Variants in GPC5 observed in about 807,000 individuals in gnomAD.
The protein encoded by GPC5 is glypican-5.
GPC5 carries 47 observed loss-of-function variants against 53.9 expected under a neutral mutation model. The observed-to-expected ratio is 0.87, with a 90% CI of 0.69 to 1.11. GPC5 has a LOEUF of 1.11. Among genes scored for constraint, GPC5 ranks in the 50% most tolerant of loss-of-function variants. GPC5 has a pLI of 0.00. For missense variants in GPC5, 748 were observed against 713.1 expected, an observed-to-expected ratio of 1.05 and a Z score of -0.56; for synonymous variants, 286 against 263.3, an observed-to-expected ratio of 1.09 and a Z score of -0.84.
At chr13:91,767,729 C>A (rs186727233) in intron 5 of GPC5, among the ~76,000 whole-genome samples, 276 of 152,242 alleles carry the variant, frequency 1.8e-3, no homozygotes, top group Middle Eastern at 0.01. Context: ...ACTTGTTACA[C>A]GCGTCCAGAG....
At chr13:92,812,703 A>G (rs1877338647) in intron 7 of GPC5, among the ~76,000 whole-genome samples, 1 of 151,918 alleles carries the variant, frequency 6.6e-6, no homozygotes, top group Non-Finnish European at 1.5e-5. Flanking sequence ...CTATGCATAG[A>G]AAGTCCTAAA....
intron 7 of GPC5, among the ~76,000 whole-genome samples, chr13:92,796,355 C>T (rs1050813143): frequency 7.9e-5 from 12 of 151,864 alleles, no homozygotes; most frequent in Non-Finnish European, 1.0e-4. Context: ...CACACCGGGG[C>T]CTTTCAGGGG....
In GPC5 at chr13:92,722,838, C is replaced by T. The variant is rs953773964; in HGVS notation, c.1562-143444C>T. On this transcript the variant is annotated intron_variant, in intron 7 of 7. Coordinates refer to ENST00000377067, the MANE Select transcript of GPC5 (RefSeq NM_004466.6). ...TTTATATACAAAAAAATGATAAAAT[C>T]ATAAACTAAATTTTAGATTACTTGC... Among the ~76,000 whole-genome samples the T allele has an allele frequency of 2.6e-5, 4 of 151,710 alleles. No homozygotes were observed. The South Asian group carries it at 8.3e-4, about 31-fold the overall frequency.
intron 2 of GPC5, among the ~76,000 whole-genome samples, chr13:91,621,242 AGAGAAGTCACC>A (rs2033846828): frequency 6.6e-6 from 1 of 152,168 alleles, no homozygotes. Context: ...TCTTTAAAAA[AGAGAAGTCACC>A]GACTATTAAA....
chr13:92,555,233 G>C (rs1845791819), intron 7 of GPC5, among the ~76,000 whole-genome samples: 2 of 151,156 alleles, frequency 1.3e-5, no homozygotes, highest in South Asian at 4.2e-4. Flanking sequence ...GTAAATACTA[G>C]ATAATACTAC....
intron 5 of GPC5, among the ~76,000 whole-genome samples, chr13:91,830,745 A>AAT (rs1438319999): frequency 1.4e-5 from 2 of 144,050 alleles, no homozygotes; most frequent in African/African-American, 2.5e-5. Context: ...TATGTATATA[A>AAT]ATATACACAT....
chr13:91,424,328 T>C (rs1304318199), intron 1 of GPC5, among the ~76,000 whole-genome samples: 1 of 149,242 alleles, frequency 6.7e-6, no homozygotes, highest in African/African-American at 2.5e-5. Context: ...TGGGGCGGGG[T>C]TGGTGGTCGA....
intron 2 of GPC5, among the ~76,000 whole-genome samples, chr13:91,677,534 T>C (rs1233471946): frequency 1.3e-5 from 2 of 152,150 alleles, no homozygotes; most frequent in African/African-American, 4.8e-5. Flanking sequence ...CCAGAGCTGG[T>C]TATGGGGGCA....
At chr13:92,775,296 G>A (rs1566413027) in intron 7 of GPC5, among the ~76,000 whole-genome samples, 1 of 152,120 alleles carries the variant, frequency 6.6e-6, no homozygotes, top group Non-Finnish European at 1.5e-5. Flanking sequence ...TAACAAAGAG[G>A]TAAATGGATT....
intron 7 of GPC5, among the ~76,000 whole-genome samples, chr13:92,569,308 A>T (rs1225613364): frequency 1.3e-5 from 2 of 151,462 alleles, no homozygotes; most frequent in African/African-American, 2.4e-5. Context: ...ACTATTGTTA[A>T]CTCCTTTGCA....
chr13:92,077,659 T>G (rs2041262648), intron 6 of GPC5, among the ~76,000 whole-genome samples: 1 of 152,180 alleles, frequency 6.6e-6, no homozygotes, highest in Admixed American at 6.5e-5. Context: ...AAGTGGCAAC[T>G]GTGAGTCAAC....
chr13:92,410,523 T>G (rs1875996210), intron 7 of GPC5, among the ~76,000 whole-genome samples: 2 of 152,160 alleles, frequency 1.3e-5, no homozygotes, highest in Non-Finnish European at 2.9e-5. Flanking sequence ...GCACAGAACT[T>G]TCTTTATTTA....
chr13:92,789,037 G>A (rs1480976165), intron 7 of GPC5, among the ~76,000 whole-genome samples: 2 of 152,158 alleles, frequency 1.3e-5, no homozygotes, highest in African/African-American at 4.8e-5. Flanking sequence ...CAGGCCAGCG[G>A]GGTTTCCCAC....
chr13:91,700,119 A>G lies in GPC5; in HGVS notation c.1020+6238A>G, dbSNP rs146408775. Among the ~76,000 whole-genome samples the G allele has an allele frequency of 1.2e-3, 187 of 152,118 alleles. 1 individual carries two copies. The highest frequency in any genetic ancestry group is 1.9e-3 in the Non-Finnish European group (130 of 67,980). ...GCCTGATTAGCTCTGAATCCTTCTT[A>G]TTTTGGAGATTTGACCCCTGCATGT... is the stretch of plus-strand genomic sequence containing the variant. On this transcript the variant is annotated intron_variant, in intron 3 of 7. Transcript: ENST00000377067.
chr13:92,713,896 C>T (rs997468535), intron 7 of GPC5, among the ~76,000 whole-genome samples: 1 of 152,140 alleles, frequency 6.6e-6, no homozygotes, highest in African/African-American at 2.4e-5. Context: ...AGGAGTGTAG[C>T]AGTTTCCTAC....
At position 91,894,246 on chromosome 13, in the gene GPC5, CTTTGTTTG is replaced by C. The variant is rs200375529; in HGVS notation, c.1281-13671_1281-13664del. Among the ~76,000 whole-genome samples the C allele has an allele frequency of 2.0e-4, 30 of 152,024 alleles. No homozygotes were observed. In the South Asian group the frequency reaches 4.6e-3, roughly 23 times the overall value. ...CCATCCATTTGGTAGCCCTTCAGGA[CTTTGTTTG>C]TTTGTTTGTTTGTTTGTTTTTTAAT... On this transcript the variant is annotated intron_variant, in intron 5 of 7. Coordinates refer to ENST00000377067, the MANE Select transcript of GPC5 (RefSeq NM_004466.6).
chr13:92,343,267 C>T (rs12876085), intron 7 of GPC5, among the ~76,000 whole-genome samples: 1,528 of 152,178 alleles, frequency 0.01, 26 homozygotes, highest in Middle Eastern at 0.048. Flanking sequence ...TGCCTTCATC[C>T]CAGGAGGCCA....
chr13:91,789,566 A>G (rs1256922156), intron 5 of GPC5, among the ~76,000 whole-genome samples: 1 of 152,172 alleles, frequency 6.6e-6, no homozygotes, highest in Non-Finnish European at 1.5e-5. Context: ...TCCCCCTGCT[A>G]AACTTGGCTT....
chr13:92,266,961 A>G lies in GPC5; in HGVS notation c.1561+121972A>G, dbSNP rs1196707616. ...CAGAAGTTTGGTTTTTGAAGGTTCA[A>G]TTTTGCTTTTTGTGTCCTCCCACCA... On this transcript the variant is annotated intron_variant, in intron 7 of 7. Transcript: ENST00000377067. 4.6e-5 allele frequency among the ~76,000 whole-genome samples: 7 copies of G among 152,034 alleles called. No homozygotes were observed. In the East Asian group the frequency reaches 1.3e-3, roughly 29 times the overall value.
Sources: allele counts gnomAD v4.1 joint callset (sites outside exome capture counted in the v4.1 genomes callset), GRCh38; gene constraint gnomAD v4.1.1; transcripts MANE v1.5; gene names NCBI Gene and HGNC (gene_info 2026-07-23, HGNC 2026-07-21).